The following NRXN3 variants were observed in gnomAD, a reference collection of about 807,000 sequenced individuals.
The protein encoded by NRXN3 is neurexin 3.
NRXN3 carries 32 observed loss-of-function variants against 137.6 expected under a neutral mutation model. That is an observed-to-expected ratio of 0.23 (90% CI 0.18 to 0.31). NRXN3 has a LOEUF of 0.31. Among genes scored for constraint, NRXN3 ranks in the 10% least tolerant of loss-of-function variants. NRXN3 has a pLI of 1.00. For missense variants in NRXN3, 1,574 were observed against 2,062.5 expected (o/e 0.76, Z 4.59); for synonymous variants, 798 against 784.5 (o/e 1.02, Z -0.29).
intron 16 of NRXN3, among the ~76,000 whole-genome samples, chr14:79,485,413 T>TA (rs2153646003): frequency 6.6e-6 from 1 of 152,336 alleles, no homozygotes; most frequent in South Asian, 2.1e-4. Context: ...TGCTTCAAGT[T>TA]ATATCACCTT....
intron 15 of NRXN3, among the ~76,000 whole-genome samples, chr14:79,286,536 A>ATATATATG (rs1491444222): frequency 2.4e-5 from 1 of 41,590 alleles, no homozygotes; most frequent in Non-Finnish European, 4.6e-5. Flanking sequence ...TGAGAGAATA[A>ATATATATG]TATATATATA....
chr14:78,233,688 C>CAAAAAAAAAAAA (rs10673907), intron 1 of NRXN3, among the ~76,000 whole-genome samples: 1 of 117,626 alleles, frequency 8.5e-6, no homozygotes, highest in Non-Finnish European at 1.8e-5. Context: ...AAGTATGCTT[C>CAAAAAAAAAAAA]AAAAAAAAAA....
intron 9 of NRXN3, 100 bp downstream of exon 9, chr14:78,803,923 AG>A: frequency 8.8e-7 from 1 of 1,134,374 alleles, no homozygotes; most frequent in Non-Finnish European, 1.3e-6. Flanking sequence ...GTTTCTTGAA[AG>A]TTAGCTGCTC....
intron 15 of NRXN3, among the ~76,000 whole-genome samples, chr14:79,272,623 G>A (rs757701887): frequency 2.6e-5 from 4 of 152,064 alleles, no homozygotes; most frequent in African/African-American, 7.2e-5. Context: ...GCCCTTTCAC[G>A]TCCCAGAGCA....
intron 4 of NRXN3, among the ~76,000 whole-genome samples, chr14:78,439,046 A>G (rs571882463): frequency 6.6e-6 from 1 of 152,282 alleles, no homozygotes; most frequent in South Asian, 2.1e-4. Context: ...AGGAATGTGA[A>G]GGTCACTTGC....
At chr14:79,671,911 G>A (rs2098609766) in intron 17 of NRXN3, among the ~76,000 whole-genome samples, 1 of 151,878 alleles carries the variant, frequency 6.6e-6, no homozygotes, top group Admixed American at 6.6e-5. Flanking sequence ...GAGGTGGTGG[G>A]AACACATGGA....
chr14:79,205,039 G>A (rs935134265), intron 15 of NRXN3, among the ~76,000 whole-genome samples: 2 of 152,180 alleles, frequency 1.3e-5, no homozygotes, highest in Non-Finnish European at 2.9e-5. Flanking sequence ...GATTGTGTCA[G>A]CAATGATTCC....
intron 20 of NRXN3, among the ~76,000 whole-genome samples, chr14:79,835,255 T>C (rs2099336689): frequency 6.6e-6 from 1 of 152,138 alleles, no homozygotes; most frequent in Admixed American, 6.6e-5. Context: ...TCACAACTTG[T>C]ATACATTTCA....
chr14:78,413,759 T>C (rs1361130443), intron 4 of NRXN3, among the ~76,000 whole-genome samples: 1 of 149,650 alleles, frequency 6.7e-6, no homozygotes, highest in Non-Finnish European at 1.5e-5. Flanking sequence ...ACTTGCCAGG[T>C]AAAGGAGACC....
chr14:79,745,564 C>T (rs1330126636), intron 19 of NRXN3, among the ~76,000 whole-genome samples: 2 of 152,134 alleles, frequency 1.3e-5, no homozygotes, highest in African/African-American at 2.4e-5. Flanking sequence ...CCTTCTCAAT[C>T]CACAAGACAT....
chr14:78,706,304 CT>C (rs745579724), intron 6 of NRXN3, among the ~76,000 whole-genome samples: 2 of 152,336 alleles, frequency 1.3e-5, no homozygotes, highest in South Asian at 2.1e-4. Context: ...ACTCATTAAA[CT>C]TTTATGATTT....
intron 15 of NRXN3, among the ~76,000 whole-genome samples, chr14:79,457,974 T>C (rs1168310317): frequency 6.6e-6 from 1 of 152,180 alleles, no homozygotes; most frequent in Non-Finnish European, 1.5e-5. Context: ...TGAGTAATTA[T>C]AAAATGATTA....
intron 16 of NRXN3, among the ~76,000 whole-genome samples, chr14:79,603,256 G>A (rs1014535667): frequency 6.6e-6 from 1 of 152,166 alleles, no homozygotes; most frequent in Admixed American, 6.5e-5. Context: ...CAGAGGGAAA[G>A]GGACAAAGCA....
intron 4 of NRXN3, among the ~76,000 whole-genome samples, chr14:78,429,709 G>A (rs2093802636): frequency 6.6e-6 from 1 of 152,194 alleles, no homozygotes; most frequent in African/African-American, 2.4e-5. Context: ...TAGGGTCTGT[G>A]TGGAGTTAAG....
chr14:78,285,237 G>T (rs2075010401), intron 3 of NRXN3, among the ~76,000 whole-genome samples: 1 of 152,144 alleles, frequency 6.6e-6, no homozygotes, highest in East Asian at 1.9e-4. Context: ...CCTAACTCTA[G>T]TAGTACCTAT....
chr14:78,401,937 A>G (rs530231720), intron 4 of NRXN3, among the ~76,000 whole-genome samples: 2 of 152,380 alleles, frequency 1.3e-5, no homozygotes, highest in Admixed American at 1.3e-4. Context: ...ATTCGATTCC[A>G]GGTTTGCTGA....
intron 4 of NRXN3, among the ~76,000 whole-genome samples, chr14:78,398,214 CAAAAAAAAAAA>C (rs55841376): frequency 3.1e-4 from 40 of 128,146 alleles, no homozygotes; most frequent in East Asian, 4.9e-4. Flanking sequence ...AACTCTGTTT[CAAAAAAAAAAA>C]AAAAAAAAAA....
chr14:79,316,051 T>A (rs1031014930), intron 15 of NRXN3, among the ~76,000 whole-genome samples: 2 of 152,196 alleles, frequency 1.3e-5, no homozygotes, highest in Non-Finnish European at 2.9e-5. Context: ...TCGCTAGCCT[T>A]ACTTAACCTT....
chr14:78,372,204 G>A (rs1343763290), intron 4 of NRXN3, among the ~76,000 whole-genome samples: 1 of 149,496 alleles, frequency 6.7e-6, no homozygotes, highest in Non-Finnish European at 1.5e-5. Flanking sequence ...ATTTTTTCCT[G>A]TGGATATAAT....
Sources: allele counts gnomAD v4.1 joint callset (sites outside exome capture counted in the v4.1 genomes callset), GRCh38; gene constraint gnomAD v4.1.1; transcripts MANE v1.5; gene names NCBI Gene and HGNC (gene_info 2026-07-23, HGNC 2026-07-21).